The following KIF20B variants were observed in gnomAD, a reference collection of about 807,000 sequenced individuals.
KIF20B encodes kinesin family member 20B.
In KIF20B, 188 loss-of-function variants were observed where a neutral mutation model predicts 232.5. The ratio of observed to expected loss-of-function variants is 0.81; its 90% CI spans 0.72 to 0.91. KIF20B has a LOEUF of 0.91. Ranked by LOEUF, KIF20B falls within the 40% of genes least tolerant of loss-of-function variation. The pLI, the probability that KIF20B is intolerant of heterozygous loss-of-function variation, is 0.00. For synonymous variants in KIF20B, 712 were observed against 683.0 expected (o/e 1.04, Z -0.66); for missense variants, 2,154 against 2,055.9 (o/e 1.05, Z -0.92).
chr10:89,761,555 TC>T (rs1387517191), intron 28 of KIF20B, among the ~76,000 whole-genome samples: 1 of 151,930 alleles, frequency 6.6e-6, no homozygotes, highest in Non-Finnish European at 1.5e-5. Flanking sequence ...CAAGCAGTCC[TC>T]CTGCCTCAGC....
chr10:89,757,825 T>C (rs566631106), intron 26 of KIF20B, among the ~76,000 whole-genome samples: 1 of 151,652 alleles, frequency 6.6e-6, no homozygotes, highest in South Asian at 2.1e-4. Flanking sequence ...AGATTAGGGT[T>C]GGGGTTCTTT....
chr10:89,734,487 C>T (rs779404580), intron 19 of KIF20B, among the ~76,000 whole-genome samples: 10 of 152,146 alleles, frequency 6.6e-5, no homozygotes, highest in Non-Finnish European at 1.3e-4. Context: ...GTTTTTTCTT[C>T]TCCACATTAT....
chr10:89,772,137 T>G (rs1303555776), intron 31 of KIF20B, among the ~76,000 whole-genome samples: 1 of 151,970 alleles, frequency 6.6e-6, no homozygotes, highest in African/African-American at 2.4e-5. Context: ...TAAAAAAAAG[T>G]ACTATGTACT....
intron 20 of KIF20B, 46 bp from the exon 21 acceptor site, chr10:89,738,912 G>A: frequency 1.3e-6 from 2 of 1,570,282 alleles, no homozygotes; most frequent in East Asian, 4.5e-5. Flanking sequence ...ATGGTCCTAA[G>A]CAGTTAATGA....
At chr10:89,704,201 A>G (rs1842675141) in intron 1 of KIF20B, among the ~76,000 whole-genome samples, 2 of 152,156 alleles carry the variant, frequency 1.3e-5, no homozygotes, top group African/African-American at 4.8e-5. Flanking sequence ...CCTGTGGGTG[A>G]TGGTCGTTAC....
chr10:89,754,631 T>C lies in KIF20B; in HGVS notation c.4461T>C (p.Tyr1487=), dbSNP rs369338310. The change falls in exon 26 of 33, where the codon TAT becomes TAC. Residue 1487 remains tyrosine, a synonymous_variant. Transcript: ENST00000371728. ...TACGAAATAAAGAGATGAAAAAATA[T>C]GCTGAGGACAGGGAGCGTTTTTTTA... is the stretch of plus-strand genomic sequence containing the variant. The part of the protein sequence containing the change: ...ENIRNKEMKK[Y]AEDRERFFKQ... The C allele has an allele frequency of 5.0e-6, 8 of 1,601,032 alleles. No homozygotes were observed. The African/African-American group carries it at 5.4e-5, about 11-fold the overall frequency.
At chr10:89,720,694 T>G (rs772430777) in intron 13 of KIF20B, among the ~76,000 whole-genome samples, 15 of 151,536 alleles carry the variant, frequency 9.9e-5, no homozygotes, top group Non-Finnish European at 2.2e-4. Context: ...TGTCCAATTA[T>G]AGTATTTATT....
At position 89,754,664 on chromosome 10, in the gene KIF20B, G is replaced by C; in HGVS notation, c.4494G>C (p.Gln1498His). 6.4e-7 allele frequency: 1 copy of C among 1,559,846 alleles called. No homozygotes were observed. Among genetic ancestry groups the C allele is most frequent in the Non-Finnish European group, 8.7e-7 (1 of 1,154,968 alleles). The change falls in exon 26 of 33, where the codon CAG (glutamine) becomes CAC (histidine). Residue 1498 changes from glutamine to histidine, a missense_variant. Gln to His is a conservative substitution (Grantham distance 24). Coordinates refer to ENST00000371728, the MANE Select transcript of KIF20B (RefSeq NM_001284259.2). ...AEDRERFFKQ[Q>H]NEMEILTAQL... is the part of the protein sequence containing the mutation. ...ACAGGGAGCGTTTTTTTAAGCAACA[G>C]AATGAAATGGTTAGTAACAATTGTA... is the stretch of plus-strand genomic sequence containing the variant.
chr10:89,763,087 A>G (rs188856555), intron 29 of KIF20B, among the ~76,000 whole-genome samples: 369 of 152,160 alleles, frequency 2.4e-3, no homozygotes, highest in African/African-American at 8.2e-3. Context: ...TTCAAGACCA[A>G]CCTGGTCAAC....
In KIF20B at chr10:89,719,972, A is replaced by G. The variant is rs550380383; in HGVS notation, c.1722+266A>G. On this transcript the variant is annotated intron_variant, in intron 13 of 32. Coordinates refer to ENST00000371728, the MANE Select transcript of KIF20B (RefSeq NM_001284259.2). ...CAATTTGAAAATAAGATCCAGACAT[A>G]ATGACACCTTACATCTAAATATTTG... Among the ~76,000 whole-genome samples the G allele has an allele frequency of 1.9e-4, 29 of 152,222 alleles. 1 individual carries two copies. The highest frequency in any genetic ancestry group is 3.5e-4 in the Non-Finnish European group (24 of 68,022).
chr10:89,757,036 G>GTA (rs1227383713), intron 26 of KIF20B, among the ~76,000 whole-genome samples: 16 of 82,230 alleles, frequency 1.9e-4, no homozygotes, highest in East Asian at 7.9e-4. Context: ...GTGTGTGTGT[G>GTA]TGTGTATATA....
chr10:89,728,646 C>T (rs980836304), intron 17 of KIF20B, among the ~76,000 whole-genome samples: 2 of 152,066 alleles, frequency 1.3e-5, no homozygotes, highest in Admixed American at 1.3e-4. Context: ...GTTAGGGTTA[C>T]AGGTGGCCAC....
intron 31 of KIF20B, among the ~76,000 whole-genome samples, chr10:89,769,822 G>T (rs1480543718): frequency 1.3e-5 from 2 of 151,976 alleles, no homozygotes; most frequent in African/African-American, 4.8e-5. Context: ...GGGTGAGATG[G>T]AGTAGTGGGT....
In KIF20B at chr10:89,716,503, C is replaced by T. The variant is rs1406165606; in HGVS notation, c.1008C>T (p.His336=). The T allele has an allele frequency of 6.3e-7, 1 of 1,594,652 alleles. No individual in the cohort carries two copies. The highest frequency in any genetic ancestry group is 8.6e-7 in the Non-Finnish European group (1 of 1,168,252). ...GACTTTTAAAACTAGGAATAAAGCACCAGAGTGTTGCCTTCACAAAATTGA... is the reference window on the plus strand; with the variant it reads ...GACTTTTAAAACTAGGAATAAAGCATCAGAGTGTTGCCTTCACAAAATTGA... The part of the protein sequence containing the change: ...AYRLLKLGIK[H]QSVAFTKLNN... The change falls in exon 9 of 33, where the codon CAC becomes CAT. Residue 336 remains histidine (H), a synonymous_variant. Transcript: ENST00000371728.
chr10:89,745,825 G>C (rs1841897752), intron 22 of KIF20B, 74 bp from the exon 23 acceptor site: 1 of 987,136 alleles, frequency 1.0e-6, no homozygotes, highest in African/African-American at 1.6e-5. Flanking sequence ...ATTGAGCCCT[G>C]TTTTCAAGAT....
rs113983328 is a variant in KIF20B at position 89,704,946 on chromosome 10, A to G, written c.-1-348A>G. Among the ~76,000 whole-genome samples the G allele has an allele frequency of 1.6e-3, 248 of 152,340 alleles. 1 individual carries two copies. Among genetic ancestry groups the G allele is most frequent in the African/African-American group, 5.6e-3 (234 of 41,576 alleles). On this transcript the variant is annotated intron_variant, in intron 1 of 32. Transcript: ENST00000371728. ...CACTAAGTAGATGACACAAGGTTATAATTTACCCTGTGATCTCCTTACTAT... is the reference window on the plus strand; with the variant it reads ...CACTAAGTAGATGACACAAGGTTATGATTTACCCTGTGATCTCCTTACTAT...
At chr10:89,704,564 G>GTTT (rs57907659) in intron 1 of KIF20B, among the ~76,000 whole-genome samples, 1 of 144,754 alleles carries the variant, frequency 6.9e-6, no homozygotes, top group Non-Finnish European at 1.5e-5. Flanking sequence ...GTTTTGTTTT[G>GTTT]TTTTTTTTTT....
At position 89,727,853 on chromosome 10, in the gene KIF20B, C is replaced by T; in HGVS notation, c.2231-3C>T. ...TTATTTTCAATGTTCTTTATTTTTT[C>T]AGAATCAGATTCATTGATTCAAGAG... On this transcript the variant is annotated splice_region_variant and splice_polypyrimidine_tract_variant and intron_variant, in intron 16 of 32. Coordinates refer to ENST00000371728, the MANE Select transcript of KIF20B (RefSeq NM_001284259.2). 6.5e-7 allele frequency: 1 copy of T among 1,547,388 alleles called. No homozygotes were observed. Among genetic ancestry groups the T allele is most frequent in the Non-Finnish European group, 8.8e-7 (1 of 1,133,334 alleles).
chr10:89,731,238 A>C (rs1843311732), intron 18 of KIF20B, among the ~76,000 whole-genome samples: 7 of 152,234 alleles, frequency 4.6e-5, no homozygotes, highest in Admixed American at 4.6e-4. Context: ...TGGAAATTTC[A>C]CATGGGATTA....
Sources: gnomAD v4.1 joint callset for allele counts (sites outside exome capture counted in the v4.1 genomes callset) on GRCh38, gnomAD v4.1.1 for gene constraint, MANE v1.5 for transcripts, NCBI Gene and HGNC (gene_info 2026-07-23, HGNC 2026-07-21) for gene names.